PPP2R5A: variants seen among roughly 807,000 people sequenced by gnomAD.
The protein encoded by PPP2R5A is serine/threonine-protein phosphatase 2A 56 kDa regulatory subunit alpha isoform.
In PPP2R5A, 25 loss-of-function variants were observed where a neutral mutation model predicts 64.2. The observed-to-expected ratio is 0.39, with a 90% CI of 0.28 to 0.54. PPP2R5A has a LOEUF of 0.54. Ranked by LOEUF, PPP2R5A falls within the 20% of genes least tolerant of loss-of-function variation. The pLI is 0.67. For synonymous variants in PPP2R5A, 198 were observed against 201.2 expected (o/e 0.98, Z 0.13); for missense variants, 425 against 576.3 (o/e 0.74, Z 2.69).
intron 1 of PPP2R5A, among the ~76,000 whole-genome samples, chr1:212,321,654 A>G (rs1350594588): frequency 1.5e-5 from 2 of 133,704 alleles, no homozygotes; most frequent in Non-Finnish European, 3.0e-5. Flanking sequence ...GATGCTCCTC[A>G]CTTCCTAGAT....
intron 1 of PPP2R5A, among the ~76,000 whole-genome samples, chr1:212,321,636 C>G (rs980988646): frequency 7.1e-6 from 1 of 140,428 alleles, no homozygotes; most frequent in Non-Finnish European, 1.5e-5. Context: ...GATGGGCGGC[C>G]TGGCAGAGAT....
chr1:212,324,519 T>C (rs1165707874), intron 1 of PPP2R5A, among the ~76,000 whole-genome samples: 1 of 152,236 alleles, frequency 6.6e-6, no homozygotes, highest in East Asian at 1.9e-4. Flanking sequence ...TTGAAATATA[T>C]GCACTCATCT....
rs931751731 is a variant in PPP2R5A, at chr1:212,342,278, C to A, written c.571C>A (p.Gln191Lys). 1 of 1,612,438 alleles carries A rather than the reference C, an allele frequency of 6.2e-7. No individual in the cohort carries two copies. The highest frequency in any genetic ancestry group is 1.7e-5 in the Admixed American group (1 of 59,864). Residue 191 changes from glutamine to lysine, a missense_variant and splice_region_variant, in exon 4 of 13, where the codon CAG becomes AAG. Gln to Lys is a moderately conservative substitution (Grantham distance 53). Coordinates refer to ENST00000261461, the MANE Select transcript of PPP2R5A (RefSeq NM_006243.4). ...ATACATTGATCAGAAATTCGTACAA[C>A]AGGTAAGGAACTCTTTTGTCTTAGA... The part of the protein sequence containing the change: ...KRYIDQKFVQ[Q>K]LLELFDSEDP...
At chr1:212,300,059 C>G (rs2102414132) in intron 1 of PPP2R5A, among the ~76,000 whole-genome samples, 1 of 152,290 alleles carries the variant, frequency 6.6e-6, no homozygotes, top group East Asian at 1.9e-4. Flanking sequence ...AGTGATCTGC[C>G]TGCCTCTGCC....
chr1:212,346,212 C>T (rs984115534), intron 5 of PPP2R5A, among the ~76,000 whole-genome samples: 20 of 151,492 alleles, frequency 1.3e-4, no homozygotes, highest in Non-Finnish European at 2.4e-4. Context: ...ACTGTATGTA[C>T]GTAGTATATA....
intron 5 of PPP2R5A, among the ~76,000 whole-genome samples, 164 bp from the exon 6 acceptor site, chr1:212,347,183 T>C (rs575120262): frequency 7.9e-5 from 12 of 152,226 alleles, no homozygotes; most frequent in East Asian, 1.9e-4. Context: ...TTTTTAAGAT[T>C]GATATGAATT....
intron 3 of PPP2R5A, among the ~76,000 whole-genome samples, chr1:212,336,142 T>C (rs1439805738): frequency 6.6e-6 from 1 of 152,048 alleles, no homozygotes; most frequent in East Asian, 1.9e-4. Context: ...TGAGATGGAG[T>C]CTCACTCTGT....
chr1:212,342,055 A>AT, intron 3 of PPP2R5A, 133 bp from the exon 4 acceptor site: 3 of 1,328,606 alleles, frequency 2.3e-6, no homozygotes, highest in South Asian at 3.5e-5. Flanking sequence ...TTATCAACTC[A>AT]TTACATTTTA....
In PPP2R5A at chr1:212,285,844, C is replaced by A. The variant is rs1418057060; in HGVS notation, c.-267C>A. Reference sequence around the variant, plus strand: ...GCGCCCAGAGTCAACAACTTCTTCACCCCCCTCCGCCCCCGCCCTTCCCTC... The same window carrying A: ...GCGCCCAGAGTCAACAACTTCTTCAACCCCCTCCGCCCCCGCCCTTCCCTC... On this transcript the variant is annotated 5_prime_UTR_variant, in exon 1 of 13. Coordinates refer to ENST00000261461, the MANE Select transcript of PPP2R5A (RefSeq NM_006243.4). 1.1e-5 allele frequency: 4 copies of A among 360,090 alleles called. No homozygotes were observed. Among genetic ancestry groups the A allele is most frequent in the East Asian group, 4.4e-5 (1 of 22,620 alleles). 22.3% of individuals were successfully genotyped at this position (360,090 alleles called of 1,614,324 possible). A position where few individuals can be genotyped will look rare whatever the true frequency, so the allele number is the denominator to read the frequency against.
At chr1:212,300,696 A>G (rs555633060) in intron 1 of PPP2R5A, among the ~76,000 whole-genome samples, 4 of 152,234 alleles carry the variant, frequency 2.6e-5, no homozygotes, top group Non-Finnish European at 5.9e-5. Context: ...TCAATTTAGA[A>G]TTGTTTGTGA....
intron 2 of PPP2R5A, among the ~76,000 whole-genome samples, chr1:212,329,893 C>T (rs1271370957): frequency 3.3e-5 from 5 of 152,104 alleles, no homozygotes; most frequent in African/African-American, 9.7e-5. Context: ...ATCGACCTGC[C>T]GCGGCCTCTG....
At chr1:212,321,279 C>T (rs1163916340) in intron 1 of PPP2R5A, among the ~76,000 whole-genome samples, 2 of 145,636 alleles carry the variant, frequency 1.4e-5, no homozygotes, top group African/African-American at 5.1e-5. Flanking sequence ...GGCAGAGGCG[C>T]CCCTCACCTC....
At chr1:212,314,191 C>G (rs923386207) in intron 1 of PPP2R5A, among the ~76,000 whole-genome samples, 3 of 152,058 alleles carry the variant, frequency 2.0e-5, no homozygotes, top group East Asian at 3.9e-4. Flanking sequence ...GGTACTAGCC[C>G]CAGCTAGTCT....
chr1:212,297,093 C>CCTCTTTTTTTTTT (rs1558138694), intron 1 of PPP2R5A, among the ~76,000 whole-genome samples: 3 of 81,934 alleles, frequency 3.7e-5, no homozygotes, highest in African/African-American at 1.0e-4. Context: ...TTCTTTGCTT[C>CCTCTTTTTTTTTT]TTCTTTTTTT....
chr1:212,359,430 C>T lies in PPP2R5A; in HGVS notation c.1328+643C>T, dbSNP rs532805536. ...GTATTTTAGAGTATAAATGTTAGCA[C>T]GTATCAGCCTTTAGGAACATGGCCT... is the stretch of plus-strand genomic sequence containing the variant. On this transcript the variant is annotated intron_variant, in intron 12 of 12. Coordinates refer to ENST00000261461, the MANE Select transcript of PPP2R5A (RefSeq NM_006243.4). 1.3e-4 allele frequency among the ~76,000 whole-genome samples: 20 copies of T among 152,240 alleles called. No homozygotes were observed. The South Asian group carries it at 3.9e-3, about 30-fold the overall frequency.
chr1:212,300,202 A>G (rs774204692), intron 1 of PPP2R5A, among the ~76,000 whole-genome samples: 8 of 152,170 alleles, frequency 5.3e-5, no homozygotes, highest in Non-Finnish European at 1.0e-4. Context: ...TGGTTTTGGT[A>G]CTTCATCTGT....
In PPP2R5A at chr1:212,286,123, T is replaced by C. The variant is rs866673374; in HGVS notation, c.13T>C (p.Ser5Pro). Reference protein sequence around the residue: MSSSSPPAGAASAAI... With the variant: MSSSPPPAGAASAAI... ...CAGGGCCGCGGAGATGTCGTCGTCG[T>C]CGCCGCCGGCGGGGGCTGCCAGCGC... is the stretch of plus-strand genomic sequence containing the variant. Residue 5 changes from serine to proline, a missense_variant, in exon 1 of 13, where the codon TCG becomes CCG. Ser to Pro is a moderately conservative substitution (Grantham distance 74). This residue lies in a region of PPP2R5A where 104 missense variants were observed against 95.7 expected (regional missense o/e 1.09). Coordinates refer to ENST00000261461, the MANE Select transcript of PPP2R5A (RefSeq NM_006243.4). The C allele has an allele frequency of 4.4e-6, 7 of 1,577,636 alleles. No individual in the cohort carries two copies. The highest frequency in any genetic ancestry group is 1.4e-5 in the African/African-American group (1 of 73,406).
intron 1 of PPP2R5A, among the ~76,000 whole-genome samples, chr1:212,292,193 G>A (rs1319525959): frequency 6.6e-6 from 1 of 152,148 alleles, no homozygotes; most frequent in South Asian, 2.1e-4. Flanking sequence ...CGAAGGCAGG[G>A]CAGTGAGAAC....
chr1:212,289,338 C>T (rs1658561376), intron 1 of PPP2R5A, among the ~76,000 whole-genome samples: 1 of 152,148 alleles, frequency 6.6e-6, no homozygotes, highest in East Asian at 1.9e-4. Context: ...ATCCATGGCT[C>T]ATTGTATTTT....
Sources: gnomAD v4.1 joint callset for allele counts (sites outside exome capture counted in the v4.1 genomes callset) on GRCh38, gnomAD v4.1.1 for gene constraint, gnomAD v4.1.1 regional missense constraint, MANE v1.5 for transcripts, NCBI Gene and HGNC (gene_info 2026-07-23, HGNC 2026-07-21) for gene names.